Variants in NEK7 observed in about 807,000 individuals in gnomAD.
NEK7 encodes the protein NIMA related kinase 7.
A neutral mutation model predicts 44.6 loss-of-function variants in NEK7; 18 were observed. That is an observed-to-expected ratio of 0.40 (90% CI 0.28 to 0.60). The LOEUF is 0.60. Ranked by LOEUF, NEK7 falls within the 20% of genes least tolerant of loss-of-function variation. The pLI is 0.38. For synonymous variants in NEK7, 130 were observed against 121.1 expected (o/e 1.07, Z -0.48); for missense variants, 256 against 366.5 (o/e 0.70, Z 2.46).
At chr1:198,241,274 C>T (rs1666677654) in intron 2 of NEK7, among the ~76,000 whole-genome samples, 2 of 152,106 alleles carry the variant, frequency 1.3e-5, no homozygotes, top group African/African-American at 2.4e-5. Context: ...ACATAGCTTT[C>T]TCACTAAATA....
At chr1:198,281,816 A>ATC (rs1654207226) in intron 7 of NEK7, among the ~76,000 whole-genome samples, 2 of 152,018 alleles carry the variant, frequency 1.3e-5, no homozygotes, top group African/African-American at 4.8e-5. Flanking sequence ...TCTTATTTGT[A>ATC]TCTTTTCATT....
intron 1 of NEK7, among the ~76,000 whole-genome samples, chr1:198,173,400 G>C (rs550383752): frequency 1.3e-5 from 2 of 151,084 alleles, no homozygotes; most frequent in African/African-American, 4.9e-5. Context: ...CTATACTCTG[G>C]CCTGGGAGTC....
chr1:198,290,578 C>T (rs1039795694), intron 7 of NEK7, among the ~76,000 whole-genome samples: 1 of 152,020 alleles, frequency 6.6e-6, no homozygotes, highest in Non-Finnish European at 1.5e-5. Context: ...TATGAAGAAG[C>T]GTGTCAGGAG....
intron 2 of NEK7, among the ~76,000 whole-genome samples, chr1:198,250,804 T>A (rs1170523298): frequency 2.7e-5 from 4 of 147,972 alleles, no homozygotes; most frequent in Non-Finnish European, 4.5e-5. Context: ...GTTTTCTAGA[T>A]ATACAATCAT....
intron 1 of NEK7, among the ~76,000 whole-genome samples, chr1:198,181,539 G>T (rs924929166): frequency 1.3e-5 from 2 of 152,086 alleles, no homozygotes; most frequent in Non-Finnish European, 2.9e-5. Context: ...CTCAGAGATT[G>T]ATTACACATT....
intron 1 of NEK7, among the ~76,000 whole-genome samples, chr1:198,193,680 A>G (rs1046312149): frequency 2.6e-5 from 4 of 152,344 alleles, no homozygotes; most frequent in South Asian, 2.1e-4. Flanking sequence ...AATGTAACCT[A>G]TAACATAAAC....
chr1:198,233,812 G>A (rs966038681), intron 2 of NEK7, among the ~76,000 whole-genome samples: 19 of 137,068 alleles, frequency 1.4e-4, no homozygotes, highest in Non-Finnish European at 2.9e-4. Flanking sequence ...GAGAATAACC[G>A]TCTACAAAAA....
intron 9 of NEK7, among the ~76,000 whole-genome samples, chr1:198,311,221 AT>A (rs2103035374): frequency 6.9e-6 from 1 of 145,292 alleles, no homozygotes; most frequent in Admixed American, 6.9e-5. Flanking sequence ...GAGTTCACTC[AT>A]GATTTGGCTC....
At chr1:198,181,103 C>T (rs749656021) in intron 1 of NEK7, among the ~76,000 whole-genome samples, 1 of 152,040 alleles carries the variant, frequency 6.6e-6, no homozygotes, top group Non-Finnish European at 1.5e-5. Context: ...AAATTGGACT[C>T]TTAGACCATA....
At chr1:198,165,322 A>G (rs898598271) in intron 1 of NEK7, among the ~76,000 whole-genome samples, 2 of 152,366 alleles carry the variant, frequency 1.3e-5, no homozygotes, top group Non-Finnish European at 1.5e-5. Context: ...TACTTTACCC[A>G]GATCTATCAG....
At chr1:198,316,397 A>T (rs913877018) in intron 9 of NEK7, among the ~76,000 whole-genome samples, 1 of 152,336 alleles carries the variant, frequency 6.6e-6, no homozygotes, top group African/African-American at 2.4e-5. Flanking sequence ...GTGACCCAAG[A>T]TGAGGGTTGC....
At chr1:198,267,157 G>A (rs1396265176) in intron 5 of NEK7, among the ~76,000 whole-genome samples, 1 of 151,966 alleles carries the variant, frequency 6.6e-6, no homozygotes, top group Non-Finnish European at 1.5e-5. Context: ...TCTGTTCCCA[G>A]TCCTAGATTT....
intron 7 of NEK7, among the ~76,000 whole-genome samples, chr1:198,285,799 G>A (rs577855299): frequency 4.6e-5 from 7 of 151,998 alleles, no homozygotes; most frequent in African/African-American, 1.7e-4. Context: ...CCTAATTTCA[G>A]TTTTTTTAAA....
chr1:198,212,159 G>A (rs1036942749), intron 1 of NEK7, among the ~76,000 whole-genome samples: 1 of 152,248 alleles, frequency 6.6e-6, no homozygotes, highest in African/African-American at 2.4e-5. Context: ...CCGGTCACAG[G>A]TTGAGAGAAG....
At position 198,232,814 on chromosome 1, in the gene NEK7, A is replaced by C. The variant is rs1375753767; in HGVS notation, c.57+177A>C. Among the ~76,000 whole-genome samples the C allele has an allele frequency of 3.0e-5, 4 of 133,976 alleles. No homozygotes were observed. The East Asian group carries it at 8.1e-4, about 27-fold the overall frequency. 87.9% of individuals were successfully genotyped at this position (133,976 alleles called of 152,430 possible). A position where few individuals can be genotyped will look rare whatever the true frequency, so the allele number is the denominator to read the frequency against. ...TTTGCTTTGTTTTTCAGTTTTGTTT[A>C]TGGCTTTTGGTATAATTGTTTTAGG... On this transcript the variant is annotated intron_variant, in intron 2 of 9. Transcript: ENST00000367385.
intron 1 of NEK7, among the ~76,000 whole-genome samples, chr1:198,160,409 A>G (rs917603590): frequency 5.9e-5 from 9 of 152,128 alleles, no homozygotes; most frequent in Admixed American, 5.2e-4. Context: ...GCTGCACAAA[A>G]CAGCACTCTG....
chr1:198,299,602 G>T (rs1385683846), intron 9 of NEK7, among the ~76,000 whole-genome samples: 1 of 152,162 alleles, frequency 6.6e-6, no homozygotes. Context: ...AACAGAGTGT[G>T]TAACTATTTG....
At chr1:198,250,943 A>G (rs1652935178) in intron 2 of NEK7, among the ~76,000 whole-genome samples, 3 of 152,300 alleles carry the variant, frequency 2.0e-5, no homozygotes, top group Admixed American at 2.0e-4. Context: ...GAGAGTGGGC[A>G]TCCCTGTCTT....
rs143920893 is a variant in NEK7, at chr1:198,207,416, A to G, written c.-28-25137A>G. Among the ~76,000 whole-genome samples, 194 of 152,272 alleles carry G rather than the reference A, an allele frequency of 1.3e-3. 3 individuals carry two copies. In the Middle Eastern group the frequency reaches 0.027, roughly 21 times the overall value. On this transcript the variant is annotated intron_variant, in intron 1 of 9. Transcript: ENST00000367385. ...AACTTATGTATGGACTGGTACGCAA[A>G]TATTTATAATGGCTTTATTCATAAT...
Sources: allele counts gnomAD v4.1 joint callset (sites outside exome capture counted in the v4.1 genomes callset), GRCh38; gene constraint gnomAD v4.1.1; transcripts MANE v1.5; gene names NCBI Gene and HGNC (gene_info 2026-07-23, HGNC 2026-07-21).